The following PCDH15 variants were observed in gnomAD, a reference collection of about 807,000 sequenced individuals.
The protein encoded by PCDH15 is protocadherin-15.
Under a neutral mutation model 178.5 loss-of-function variants are expected in PCDH15, and 129 were observed. The observed-to-expected ratio is 0.72, with a 90% confidence interval of 0.63 to 0.84. The LOEUF (loss-of-function observed/expected upper bound fraction) is 0.84, where lower values mean the gene tolerates loss of function less well. Among genes scored for constraint, PCDH15 ranks in the 40% least tolerant of loss-of-function variants. The pLI is 0.00. For missense variants in PCDH15, 2,230 were observed against 2,099.9 expected, an observed-to-expected ratio of 1.06 and a Z score of -1.21; for synonymous variants, 800 against 732.0, an observed-to-expected ratio of 1.09 and a Z score of -1.50.
intron 15 of PCDH15, among the ~76,000 whole-genome samples, chr10:54,106,498 A>T (rs907918828): frequency 6.6e-6 from 1 of 152,234 alleles, no homozygotes; most frequent in Non-Finnish European, 1.5e-5. Context: ...AAATGTTAAC[A>T]TAGGTGGATC....
At chr10:55,042,775 G>T (rs556832707) in intron 2 of PCDH15, among the ~76,000 whole-genome samples, 2 of 152,142 alleles carry the variant, frequency 1.3e-5, no homozygotes, top group Admixed American at 6.5e-5. Context: ...AGAAGAGGCC[G>T]CCTATTTTTT....
chr10:54,361,885 A>G (rs910420913), intron 5 of PCDH15, among the ~76,000 whole-genome samples: 3 of 152,084 alleles, frequency 2.0e-5, no homozygotes, highest in African/African-American at 7.2e-5. Flanking sequence ...TATGTATACA[A>G]TATGGTGAGC....
At chr10:54,048,775 GTA>G (rs2093706824) in intron 18 of PCDH15, among the ~76,000 whole-genome samples, 1 of 152,096 alleles carries the variant, frequency 6.6e-6, no homozygotes, top group Admixed American at 6.6e-5. Flanking sequence ...TAGGCTTGTA[GTA>G]TAGTTTGAAG....
chr10:54,973,915 T>C (rs778284182), intron 2 of PCDH15, among the ~76,000 whole-genome samples: 3 of 152,100 alleles, frequency 2.0e-5, no homozygotes, highest in Non-Finnish European at 2.9e-5. Context: ...AATTAAAAAG[T>C]AATTTCCCAA....
At chr10:54,824,489 C>T (rs1953095121) in intron 3 of PCDH15, among the ~76,000 whole-genome samples, 1 of 152,116 alleles carries the variant, frequency 6.6e-6, no homozygotes, top group Non-Finnish European at 1.5e-5. Context: ...CATGAGTAGG[C>T]AGGAGGCGCT....
intron 3 of PCDH15, among the ~76,000 whole-genome samples, chr10:54,493,362 CT>C (rs2079790782): frequency 6.6e-6 from 1 of 151,998 alleles, no homozygotes; most frequent in Admixed American, 6.6e-5. Flanking sequence ...CCTCCTACAC[CT>C]ACCCAACCAA....
At chr10:55,533,514 T>G (rs1841504343) in intron 2 of PCDH15, among the ~76,000 whole-genome samples, 1 of 151,992 alleles carries the variant, frequency 6.6e-6, no homozygotes, top group Non-Finnish European at 1.5e-5. Context: ...GGAATACAGC[T>G]AATGAAGAAG....
chr10:55,556,790 T>C (rs1385948685), intron 2 of PCDH15, among the ~76,000 whole-genome samples: 3 of 152,158 alleles, frequency 2.0e-5, no homozygotes, highest in Non-Finnish European at 4.4e-5. Flanking sequence ...GAAGTGAGCC[T>C]AGATCGCACC....
chr10:55,441,181 C>A (rs551643404), intron 2 of PCDH15, among the ~76,000 whole-genome samples: 7 of 152,200 alleles, frequency 4.6e-5, no homozygotes, highest in Non-Finnish European at 1.0e-4. Flanking sequence ...GCTACTGAAA[C>A]AACCAGCTCT....
intron 26 of PCDH15, among the ~76,000 whole-genome samples, chr10:53,890,896 A>C (rs1240195025): frequency 6.6e-6 from 1 of 152,192 alleles, no homozygotes; most frequent in Admixed American, 6.5e-5. Flanking sequence ...GGTTTCCCTT[A>C]AGGTAAATTA....
chr10:54,936,184 T>C (rs190762098), intron 2 of PCDH15, among the ~76,000 whole-genome samples: 7 of 152,172 alleles, frequency 4.6e-5, no homozygotes, highest in Admixed American at 1.3e-4. Context: ...TAGTGTAATA[T>C]TTTCAATATT....
At position 54,664,224 on chromosome 10, in the gene PCDH15, T is replaced by A. The variant is rs552792145; in HGVS notation, c.39A>T (p.Ser13=). 2 of 1,612,238 alleles carry A rather than the reference T, an allele frequency of 1.2e-6. No individual in the cohort carries two copies. The highest frequency in any genetic ancestry group is 1.7e-6 in the Non-Finnish European group (2 of 1,178,858). ...CAAAGAGAGAGCCCAGGATGATCCCTGAAGCTAAACATGTCCAGAGATAAA... is the reference window on the plus strand; with the variant it reads ...CAAAGAGAGAGCCCAGGATGATCCCAGAAGCTAAACATGTCCAGAGATAAA... ...RQFYLWTCLA[S]GIILGSLFEI... is the part of the protein sequence containing the mutation. Residue 13 remains serine (S), a synonymous_variant, in exon 2 of 38, where the codon TCA becomes TCT. Transcript: ENST00000644397.
At chr10:54,463,363 A>C (rs1439287261) in intron 3 of PCDH15, among the ~76,000 whole-genome samples, 1 of 152,210 alleles carries the variant, frequency 6.6e-6, no homozygotes, top group African/African-American at 2.4e-5. Flanking sequence ...TAATAATAAG[A>C]CAAAAAATAA....
chr10:55,532,127 T>G (rs997484722), intron 2 of PCDH15, among the ~76,000 whole-genome samples: 1 of 151,968 alleles, frequency 6.6e-6, no homozygotes, highest in Non-Finnish European at 1.5e-5. Context: ...CATAAAGATA[T>G]AAAAAGAGAA....
At chr10:54,949,945 GTCTC>G (rs1838294142) in intron 2 of PCDH15, among the ~76,000 whole-genome samples, 1 of 151,974 alleles carries the variant, frequency 6.6e-6, no homozygotes, top group African/African-American at 2.4e-5. Flanking sequence ...CATTCAACAA[GTCTC>G]TAGGAAGTTC....
intron 15 of PCDH15, among the ~76,000 whole-genome samples, chr10:54,098,852 T>C (rs1207545414): frequency 1.3e-5 from 2 of 152,090 alleles, no homozygotes; most frequent in African/African-American, 2.4e-5. Flanking sequence ...ACAAACCAAA[T>C]AGAAAAAAAT....
chr10:55,368,086 A>G (rs1845410981), intron 2 of PCDH15, among the ~76,000 whole-genome samples: 1 of 152,232 alleles, frequency 6.6e-6, no homozygotes, highest in African/African-American at 2.4e-5. Flanking sequence ...TAATAATGTT[A>G]TTAAGTATAG....
Position 55,178,881 on chromosome 10 carries a change from CT to C in PCDH15, c.-155-12231del, listed in dbSNP as rs528135138. 4.9e-3 allele frequency among the ~76,000 whole-genome samples: 750 copies of C among 152,212 alleles called. 4 individuals carry two copies. Among genetic ancestry groups the C allele is most frequent in the African/African-American group, 0.017 (699 of 41,542 alleles). ...TATCTACTCCCCTAAACAGAAATCTCTTTTCTAAAATTTAACTGCCCTCCCC... is the reference window on the plus strand; with the variant it reads ...TATCTACTCCCCTAAACAGAAATCTCTTTCTAAAATTTAACTGCCCTCCCC... On this transcript the variant is annotated intron_variant, in intron 1 of 5. Coordinates refer to the PCDH15 transcript ENST00000458638.
chr10:54,812,818 C>T (rs1453767189), intron 3 of PCDH15, among the ~76,000 whole-genome samples: 4 of 152,022 alleles, frequency 2.6e-5, no homozygotes, highest in Non-Finnish European at 4.4e-5. Context: ...AGGCTGGTCT[C>T]GAACTCCTAA....
Sources: allele counts gnomAD v4.1 joint callset (sites outside exome capture counted in the v4.1 genomes callset), GRCh38; gene constraint gnomAD v4.1.1; transcripts MANE v1.5; gene names NCBI Gene and HGNC (gene_info 2026-07-23, HGNC 2026-07-21).